Variants in PCDH9 observed in about 807,000 individuals in gnomAD.
The protein encoded by PCDH9 is protocadherin-9.
PCDH9 carries 24 observed loss-of-function variants against 70.6 expected under a neutral mutation model. The observed-to-expected ratio is 0.34, with a 90% CI of 0.25 to 0.48. The LOEUF is 0.48. PCDH9 is among the 20% of genes least tolerant of loss of function. The pLI, the probability that PCDH9 is intolerant of heterozygous loss-of-function variation, is 0.99. For synonymous variants in PCDH9, 562 were observed against 558.5 expected (o/e 1.01, Z -0.09); for missense variants, 1,281 against 1,503.6 (o/e 0.85, Z 2.45).
intron 2 of PCDH9, among the ~76,000 whole-genome samples, chr13:66,909,160 T>C (rs1462426441): frequency 6.6e-6 from 1 of 151,726 alleles, no homozygotes; most frequent in Non-Finnish European, 1.5e-5. Flanking sequence ...TACACAACAA[T>C]AAATATTAGT....
At chr13:66,718,178 C>A (rs1479434734) in intron 3 of PCDH9, among the ~76,000 whole-genome samples, 1 of 152,106 alleles carries the variant, frequency 6.6e-6, no homozygotes, top group Admixed American at 6.6e-5. Flanking sequence ...GGTTCACACA[C>A]TTAGCAGAAT....
chr13:66,323,397 A>C (rs1955789738), intron 4 of PCDH9: 4 of 152,066 alleles, frequency 2.6e-5, no homozygotes, highest in Admixed American at 6.5e-5. Flanking sequence ...TAATGGCAGA[A>C]GAAAGAGTAA....
chr13:66,582,219 T>C (rs921005626), intron 4 of PCDH9, among the ~76,000 whole-genome samples: 4 of 152,200 alleles, frequency 2.6e-5, no homozygotes, highest in African/African-American at 9.6e-5. Flanking sequence ...ATTAGAAGAA[T>C]AGATTATGTC....
chr13:66,454,758 TAA>T (rs1958283892), intron 4 of PCDH9, among the ~76,000 whole-genome samples: 1 of 152,162 alleles, frequency 6.6e-6, no homozygotes, highest in African/African-American at 2.4e-5. Flanking sequence ...TTTAAGAGTA[TAA>T]ATTAGTCCTA....
At chr13:66,979,603 T>C (rs2139766491) in intron 2 of PCDH9, among the ~76,000 whole-genome samples, 1 of 152,280 alleles carries the variant, frequency 6.6e-6, no homozygotes, top group African/African-American at 2.4e-5. Flanking sequence ...ACTCTCATTT[T>C]AAGATAAAAC....
intron 4 of PCDH9, among the ~76,000 whole-genome samples, chr13:66,578,518 C>T (rs1322194146): frequency 6.6e-6 from 1 of 151,968 alleles, no homozygotes; most frequent in Non-Finnish European, 1.5e-5. Context: ...TAGTTTGACT[C>T]ATGGGAACAG....
chr13:66,420,254 A>G (rs1957540548), intron 4 of PCDH9, among the ~76,000 whole-genome samples: 1 of 152,154 alleles, frequency 6.6e-6, no homozygotes, highest in Non-Finnish European at 1.5e-5. Context: ...GCTTCATCAG[A>G]CTTAAACGTT....
chr13:66,462,426 T>C (rs1958441789), intron 4 of PCDH9, among the ~76,000 whole-genome samples: 1 of 151,898 alleles, frequency 6.6e-6, no homozygotes, highest in African/African-American at 2.4e-5. Flanking sequence ...ATAAGTTGTT[T>C]GCCTAAGAAT....
At position 67,140,560 on chromosome 13, in the gene PCDH9, T is replaced by TA. The variant is rs1462388388; in HGVS notation, c.3036+84844dup. On this transcript the variant is annotated intron_variant, in intron 2 of 4. Coordinates refer to ENST00000377865, the MANE Select transcript of PCDH9 (RefSeq NM_203487.3). ...TTCAAACCTCAGGGCCCTTAATAAT[T>TA]ACCTTCAGTGCTTTATAGAAAGTAA... Among the ~76,000 whole-genome samples the TA allele has an allele frequency of 2.0e-5, 3 of 152,046 alleles. No individual in the cohort carries two copies. The East Asian group carries it at 5.8e-4, about 29-fold the overall frequency.
At chr13:66,739,458 A>T (rs1402798463) in intron 3 of PCDH9, among the ~76,000 whole-genome samples, 1 of 150,538 alleles carries the variant, frequency 6.6e-6, no homozygotes, top group Admixed American at 6.7e-5. Flanking sequence ...ACCAGCTAAC[A>T]TCATAATGAC....
At chr13:67,134,231 A>G (rs1451852668) in intron 2 of PCDH9, among the ~76,000 whole-genome samples, 1 of 152,128 alleles carries the variant, frequency 6.6e-6, no homozygotes, top group Non-Finnish European at 1.5e-5. Flanking sequence ...CATGTTCAAT[A>G]TAGTAAAGAT....
At chr13:67,036,852 A>C (rs2085019033) in intron 2 of PCDH9, among the ~76,000 whole-genome samples, 1 of 152,194 alleles carries the variant, frequency 6.6e-6, no homozygotes, top group East Asian at 1.9e-4. Context: ...GGTATTCTCT[A>C]AGCGGAAGCC....
intron 4 of PCDH9, among the ~76,000 whole-genome samples, chr13:66,374,242 C>G (rs868054294): frequency 4.6e-5 from 7 of 151,932 alleles, no homozygotes; most frequent in Admixed American, 1.3e-4. Context: ...TTTATTTTCT[C>G]CTTGCTGCAT....
intron 2 of PCDH9, among the ~76,000 whole-genome samples, chr13:67,139,054 A>G (rs1413851703): frequency 6.6e-6 from 1 of 152,226 alleles, no homozygotes; most frequent in Admixed American, 6.5e-5. Flanking sequence ...ACTCCGTTCA[A>G]TTCTCAAGGG....
intron 4 of PCDH9, among the ~76,000 whole-genome samples, chr13:66,499,706 G>T (rs984926649): frequency 6.6e-6 from 1 of 152,196 alleles, no homozygotes; most frequent in East Asian, 1.9e-4. Flanking sequence ...AACTGATATA[G>T]GTTGAATGTT....
chr13:67,025,966 G>T (rs761401549), intron 2 of PCDH9, among the ~76,000 whole-genome samples: 1 of 152,016 alleles, frequency 6.6e-6, no homozygotes. Context: ...CTCTTTGGTG[G>T]TTATGCTCTT....
chr13:66,687,691 A>G (rs2078423968), intron 3 of PCDH9, among the ~76,000 whole-genome samples: 1 of 152,134 alleles, frequency 6.6e-6, no homozygotes, highest in Admixed American at 6.6e-5. Flanking sequence ...AAAGTAAGAC[A>G]CATTTTTACC....
intron 3 of PCDH9, among the ~76,000 whole-genome samples, chr13:66,842,927 C>T (rs1428997187): frequency 6.6e-6 from 1 of 152,124 alleles, no homozygotes; most frequent in Non-Finnish European, 1.5e-5. Flanking sequence ...ACATGCCCAG[C>T]CTCTATGGAA....
intron 3 of PCDH9, among the ~76,000 whole-genome samples, chr13:66,849,499 T>TAGAGAG (rs1375709431): frequency 2.8e-5 from 2 of 70,598 alleles, no homozygotes; most frequent in Non-Finnish European, 6.0e-5. Context: ...TATATATATA[T>TAGAGAG]ATATATATAT....
Sources: gnomAD v4.1 joint callset for allele counts (sites outside exome capture counted in the v4.1 genomes callset) on GRCh38, gnomAD v4.1.1 for gene constraint, MANE v1.5 for transcripts, NCBI Gene and HGNC (gene_info 2026-07-23, HGNC 2026-07-21) for gene names.